CDH20: variants seen among roughly 807,000 people sequenced by gnomAD.
The protein encoded by CDH20 is cadherin 20, also known as cadherin-20.
Under a neutral mutation model 74.2 loss-of-function variants are expected in CDH20, and 29 were observed. That is an observed-to-expected ratio of 0.39 (90% CI 0.29 to 0.53). The LOEUF is 0.53. Ranked by LOEUF, CDH20 falls within the 20% of genes least tolerant of loss-of-function variation. The probability of loss-of-function intolerance (pLI) is 0.69; values close to 1 mark genes in which losing one functional copy is unlikely to be tolerated. For missense variants in CDH20, 988 were observed against 1,048.3 expected (o/e 0.94, Z 0.79); for synonymous variants, 469 against 405.4 (o/e 1.16, Z -1.88).
rs1453854247 is a variant in CDH20 at position 61,505,854 on chromosome 18, C to T, written c.830-1519C>T. On this transcript the variant is annotated intron_variant, in intron 5 of 11. Transcript: ENST00000262717. ...TTTTGACCTTTTAAAACTTTGCATT[C>T]TCTCTTCATTAAATAGTTCCCCATC... is the stretch of plus-strand genomic sequence containing the variant. 3.3e-5 allele frequency among the ~76,000 whole-genome samples: 5 copies of T among 152,310 alleles called. No individual in the cohort carries two copies. In the East Asian group the frequency reaches 9.6e-4, roughly 29 times the overall value.
At chr18:61,357,013 T>C (rs1910518188) in intron 1 of CDH20, among the ~76,000 whole-genome samples, 1 of 152,184 alleles carries the variant, frequency 6.6e-6, no homozygotes, top group Non-Finnish European at 1.5e-5. Context: ...TATTACAACA[T>C]CTAATTCTTG....
intron 6 of CDH20, among the ~76,000 whole-genome samples, chr18:61,508,726 TC>T (rs1911672601): frequency 6.6e-6 from 1 of 152,150 alleles, no homozygotes; most frequent in Non-Finnish European, 1.5e-5. Context: ...AACCTCCGCC[TC>T]CCAGGTTCAA....
chr18:61,375,542 T>C (rs2144167130), intron 1 of CDH20, among the ~76,000 whole-genome samples: 1 of 152,266 alleles, frequency 6.6e-6, no homozygotes, highest in South Asian at 2.1e-4. Flanking sequence ...AGACTTCCTG[T>C]AGGTCACTGA....
At chr18:61,507,121 G>C (rs1469968579) in intron 5 of CDH20, among the ~76,000 whole-genome samples, 3 of 152,218 alleles carry the variant, frequency 2.0e-5, no homozygotes, top group Non-Finnish European at 4.4e-5. Flanking sequence ...CTAGGACTAA[G>C]TCGTTTTGCT....
chr18:61,502,890 C>G, intron 4 of CDH20, 63 bp from the exon 5 acceptor site: 1 of 1,405,010 alleles, frequency 7.1e-7, no homozygotes, highest in Non-Finnish European at 9.7e-7. Context: ...CACCTAGAAA[C>G]CAATCTTTAA....
intron 6 of CDH20, among the ~76,000 whole-genome samples, chr18:61,509,530 G>A (rs920408501): frequency 6.6e-6 from 1 of 152,172 alleles, no homozygotes; most frequent in Non-Finnish European, 1.5e-5. Context: ...AGTGGAGGGG[G>A]GAACTCTTAG....
At chr18:61,436,495 A>G (rs1908845437) in intron 1 of CDH20, among the ~76,000 whole-genome samples, 2 of 152,162 alleles carry the variant, frequency 1.3e-5, no homozygotes, top group South Asian at 4.1e-4. Flanking sequence ...TTTCCTGATG[A>G]CTAATGAAGT....
At chr18:61,500,573 C>A in intron 4 of CDH20, 71 bp downstream of exon 4, 1 of 1,493,186 alleles carries the variant, frequency 6.7e-7, no homozygotes, top group Non-Finnish European at 9.1e-7. Flanking sequence ...ATGACAGACC[C>A]AACTCTCCTT....
At chr18:61,500,564 T>A in intron 4 of CDH20, 62 bp downstream of exon 4, 1 of 1,531,940 alleles carries the variant, frequency 6.5e-7, no homozygotes, top group Non-Finnish European at 8.9e-7. Flanking sequence ...ACTGCTGCTA[T>A]GACAGACCCA....
chr18:61,550,273 C>T (rs200889465), intron 11 of CDH20, 44 bp downstream of exon 11: 150 of 1,585,140 alleles, frequency 9.5e-5, no homozygotes, highest in Non-Finnish European at 1.2e-4. Flanking sequence ...CCTGCCAGTG[C>T]GCACTCAGAC....
rs770152134 is a variant in CDH20, at chr18:61,536,647, T to C, written c.1408+18T>C. 4.3e-6 allele frequency: 7 copies of C among 1,611,656 alleles called. No homozygotes were observed. The highest frequency in any genetic ancestry group is 5.9e-6 in the Non-Finnish European group (7 of 1,178,210). ...GGAAATGAGTAAGTAGCACAGTAAGTTGGTCTCCATGCAGTGACAAAATAT... is the reference window on the plus strand; with the variant it reads ...GGAAATGAGTAAGTAGCACAGTAAGCTGGTCTCCATGCAGTGACAAAATAT... On this transcript the variant is annotated intron_variant, in intron 8 of 11. Transcript: ENST00000262717.
Position 61,433,725 on chromosome 18 carries a change from A to G in CDH20, c.-152-56677A>G, listed in dbSNP as rs566506951. Among the ~76,000 whole-genome samples, 119 of 152,270 alleles carry G rather than the reference A, an allele frequency of 7.8e-4. 2 individuals carry two copies. The highest frequency in any genetic ancestry group is 2.5e-3 in the African/African-American group (104 of 41,564). On this transcript the variant is annotated intron_variant, in intron 1 of 11. Coordinates refer to ENST00000262717, the MANE Select transcript of CDH20 (RefSeq NM_031891.4). ...GAATAGAAGGTGTTTTCTGAATTTTACTTGGGCACTTGCCTCTCCTGGTGC... is the reference window on the plus strand; with the variant it reads ...GAATAGAAGGTGTTTTCTGAATTTTGCTTGGGCACTTGCCTCTCCTGGTGC...
intron 9 of CDH20, 149 bp from the exon 10 acceptor site, chr18:61,544,878 C>A: frequency 3.1e-6 from 2 of 644,008 alleles, no homozygotes; most frequent in Non-Finnish European, 5.7e-6. Context: ...CTTCTCTACC[C>A]AGCATTTCCC....
intron 1 of CDH20, among the ~76,000 whole-genome samples, chr18:61,344,888 C>G (rs1017444662): frequency 2.0e-5 from 3 of 152,088 alleles, no homozygotes; most frequent in South Asian, 4.2e-4. Context: ...AGATCATGCT[C>G]TCTTCTGATT....
intron 6 of CDH20, among the ~76,000 whole-genome samples, chr18:61,512,018 A>G (rs998662597): frequency 1.3e-5 from 2 of 152,226 alleles, no homozygotes; most frequent in Non-Finnish European, 2.9e-5. Context: ...CTCCACGCCC[A>G]TCTTCCCACT....
At chr18:61,486,990 G>T (rs908328976) in intron 1 of CDH20, among the ~76,000 whole-genome samples, 2 of 152,140 alleles carry the variant, frequency 1.3e-5, no homozygotes, top group Non-Finnish European at 2.9e-5. Flanking sequence ...ACGAATTTAC[G>T]TAACAAACTA....
intron 5 of CDH20, among the ~76,000 whole-genome samples, chr18:61,506,866 C>T (rs375646740): frequency 1.3e-5 from 2 of 152,214 alleles, no homozygotes; most frequent in Admixed American, 6.5e-5. Flanking sequence ...GGCTGCCCCC[C>T]CTTTATAGAT....
At chr18:61,512,447 T>C (rs1017433646) in intron 6 of CDH20, among the ~76,000 whole-genome samples, 2 of 152,218 alleles carry the variant, frequency 1.3e-5, no homozygotes, top group Non-Finnish European at 2.9e-5. Context: ...ATAAATCTCA[T>C]CATTGTCTTA....
chr18:61,441,628 G>T (rs1909036135), intron 1 of CDH20, among the ~76,000 whole-genome samples: 1 of 152,080 alleles, frequency 6.6e-6, no homozygotes, highest in African/African-American at 2.4e-5. Flanking sequence ...GTGGATAGGG[G>T]CCCCATACCT....
Sources: gnomAD v4.1 joint callset for allele counts (sites outside exome capture counted in the v4.1 genomes callset) on GRCh38, gnomAD v4.1.1 for gene constraint, MANE v1.5 for transcripts, NCBI Gene and HGNC (gene_info 2026-07-23, HGNC 2026-07-21) for gene names.